The following RERE variants were observed in gnomAD, a reference collection of about 807,000 sequenced individuals.
The protein encoded by RERE is arginine-glutamic acid dipeptide repeats protein.
A neutral mutation model predicts 146.1 loss-of-function variants in RERE; 40 were observed. The observed-to-expected ratio is 0.27, with a 90% CI of 0.21 to 0.36. The LOEUF (loss-of-function observed/expected upper bound fraction) is 0.36. RERE is among the 10% of genes least tolerant of loss of function. RERE has a pLI of 1.00. For synonymous variants in RERE, 1,003 were observed against 866.0 expected (o/e 1.16, Z -2.78); for missense variants, 1,933 against 2,138.7 (o/e 0.90, Z 1.90).
chr1:8,744,991 T>C (rs1640392010), intron 1 of RERE, among the ~76,000 whole-genome samples: 1 of 152,180 alleles, frequency 6.6e-6, no homozygotes, highest in African/African-American at 2.4e-5. Context: ...GGTCCATGAA[T>C]AGAAACTCTC....
chr1:8,572,707 G>A (rs1323940718), intron 4 of RERE, among the ~76,000 whole-genome samples: 2 of 152,154 alleles, frequency 1.3e-5, no homozygotes, highest in Admixed American at 6.5e-5. Flanking sequence ...TCCCAGTCCT[G>A]GTAGAACTTC....
chr1:8,614,364 T>G (rs1293558509), intron 4 of RERE, among the ~76,000 whole-genome samples, 197 bp downstream of exon 4: 2 of 152,140 alleles, frequency 1.3e-5, no homozygotes, highest in African/African-American at 2.4e-5. Context: ...CAAACCCCGC[T>G]AACTTCTGGA....
At chr1:8,372,357 T>A (rs1049419665) in intron 12 of RERE, among the ~76,000 whole-genome samples, 15 of 152,044 alleles carry the variant, frequency 9.9e-5, no homozygotes, top group African/African-American at 3.6e-4. Flanking sequence ...TGAGTCCCAC[T>A]TTTTTTGGTA....
chr1:8,773,563 C>A (rs187726798), intron 1 of RERE, among the ~76,000 whole-genome samples: 3 of 152,082 alleles, frequency 2.0e-5, no homozygotes, highest in Non-Finnish European at 4.4e-5. Flanking sequence ...CGGTAGCTCA[C>A]GCCTGTAATC....
chr1:8,581,088 A>G (rs1646358861), intron 4 of RERE, among the ~76,000 whole-genome samples: 1 of 152,194 alleles, frequency 6.6e-6, no homozygotes, highest in Non-Finnish European at 1.5e-5. Flanking sequence ...AAGTGGTTGT[A>G]CCATCTTCAT....
intron 12 of RERE, among the ~76,000 whole-genome samples, chr1:8,367,732 A>G (rs925410272): frequency 6.6e-6 from 1 of 152,138 alleles, no homozygotes; most frequent in Non-Finnish European, 1.5e-5. Flanking sequence ...CCTCTCCCCC[A>G]TGCTAGTCTA....
At chr1:8,665,359 C>T (rs566857894) in intron 1 of RERE, among the ~76,000 whole-genome samples, 1 of 152,254 alleles carries the variant, frequency 6.6e-6, no homozygotes, top group African/African-American at 2.4e-5. Flanking sequence ...GTTTTTTGCC[C>T]TTTGCTGTAT....
At chr1:8,571,871 T>C (rs2124452346) in intron 4 of RERE, among the ~76,000 whole-genome samples, 1 of 151,918 alleles carries the variant, frequency 6.6e-6, no homozygotes, top group Non-Finnish European at 1.5e-5. Context: ...AAGTGTGAGC[T>C]GAGCTGGGAA....
chr1:8,722,206 AC>A (rs1426177037), intron 1 of RERE, among the ~76,000 whole-genome samples: 1 of 152,126 alleles, frequency 6.6e-6, no homozygotes, highest in African/African-American at 2.4e-5. Flanking sequence ...CAGAAACACA[AC>A]TCAATCCACG....
chr1:8,414,604 C>T (rs1251415174), intron 12 of RERE, among the ~76,000 whole-genome samples: 3 of 151,082 alleles, frequency 2.0e-5, no homozygotes, highest in East Asian at 1.9e-4. Flanking sequence ...GATTATGATA[C>T]CACAATTGAG....
chr1:8,804,099 C>A (rs1477011740), intron 1 of RERE, among the ~76,000 whole-genome samples: 1 of 152,142 alleles, frequency 6.6e-6, no homozygotes, highest in Admixed American at 6.6e-5. Context: ...AAAATTAAGT[C>A]TCAACAAGGT....
chr1:8,602,218 G>A (rs1246433994), intron 4 of RERE, among the ~76,000 whole-genome samples: 4 of 151,874 alleles, frequency 2.6e-5, no homozygotes, highest in East Asian at 1.9e-4. Context: ...GTGAAACCCC[G>A]TCTCTACTAA....
At chr1:8,597,149 G>A (rs113772244) in intron 4 of RERE, among the ~76,000 whole-genome samples, 3,142 of 150,826 alleles carry the variant, frequency 0.021, 109 homozygotes, top group African/African-American at 0.073. Context: ...GCGCAGTGGC[G>A]TGATCGTGGC....
chr1:8,528,607 A>G lies in RERE; in HGVS notation c.830+12607T>C, dbSNP rs191982705. 1.9e-4 allele frequency among the ~76,000 whole-genome samples: 29 copies of G among 152,318 alleles called. No homozygotes were observed. In the East Asian group the frequency reaches 4.8e-3, roughly 25 times the overall value. On this transcript the variant is annotated intron_variant, in intron 7 of 22. Coordinates refer to ENST00000400908, the MANE Select transcript of RERE (RefSeq NM_001042681.2). ...AAAATCCCAAACCAAAAATGTTCCA[A>G]AATCTGCAACTTTCTGAGCACCAAC...
intron 4 of RERE, among the ~76,000 whole-genome samples, chr1:8,608,947 G>A (rs531766251): frequency 6.6e-6 from 1 of 152,234 alleles, no homozygotes; most frequent in Non-Finnish European, 1.5e-5. Flanking sequence ...GGCCAGGCAT[G>A]GTGGCTCATT....
intron 4 of RERE, among the ~76,000 whole-genome samples, chr1:8,561,917 G>A (rs60564620): frequency 8.5e-5 from 13 of 152,326 alleles, no homozygotes; most frequent in African/African-American, 2.6e-4. Context: ...GAGATCATGC[G>A]ATTCAAGCAA....
intron 7 of RERE, among the ~76,000 whole-genome samples, chr1:8,516,577 C>A (rs779618334): frequency 5.3e-5 from 8 of 152,080 alleles, no homozygotes; most frequent in Non-Finnish European, 1.0e-4. Flanking sequence ...AGAGACGTTA[C>A]GCAGTTGCCC....
chr1:8,779,930 C>T (rs545473646), intron 1 of RERE, among the ~76,000 whole-genome samples: 1 of 152,076 alleles, frequency 6.6e-6, no homozygotes, highest in Non-Finnish European at 1.5e-5. Context: ...GCAGCTTATG[C>T]CTGTAATCCC....
intron 8 of RERE, 115 bp downstream of exon 8, chr1:8,508,512 T>C: frequency 1.3e-6 from 1 of 792,478 alleles, no homozygotes; most frequent in Non-Finnish European, 2.1e-6. Context: ...TCTGTATTTA[T>C]AAAAAATTCC....
Sources: allele counts gnomAD v4.1 joint callset (sites outside exome capture counted in the v4.1 genomes callset), GRCh38; gene constraint gnomAD v4.1.1; transcripts MANE v1.5; gene names NCBI Gene and HGNC (gene_info 2026-07-23, HGNC 2026-07-21).